The following ST3GAL3 variants were observed in gnomAD, a reference collection of about 807,000 sequenced individuals.
ST3GAL3 encodes the protein CMP-N-acetylneuraminate-beta-1,4-galactoside alpha-2,3-sialyltransferase.
A neutral mutation model predicts 50.1 loss-of-function variants in ST3GAL3; 21 were observed. That is an observed-to-expected ratio of 0.42 (90% CI 0.30 to 0.60). ST3GAL3 has a LOEUF of 0.60. Ranked by LOEUF, ST3GAL3 falls within the 20% of genes least tolerant of loss-of-function variation. The probability of loss-of-function intolerance (pLI) is 0.19; values close to 1 mark genes in which losing one functional copy is unlikely to be tolerated. For missense variants in ST3GAL3, 353 were observed against 489.4 expected (o/e 0.72, Z 2.63); for synonymous variants, 183 against 190.0 (o/e 0.96, Z 0.30).
At chr1:43,812,883 G>A (rs2060727972) in intron 3 of ST3GAL3, among the ~76,000 whole-genome samples, 1 of 152,136 alleles carries the variant, frequency 6.6e-6, no homozygotes, top group Admixed American at 6.5e-5. Context: ...GTGCGTGTGT[G>A]TGTGTGTGTG....
chr1:43,722,079 A>G (rs531397294), intron 1 of ST3GAL3, among the ~76,000 whole-genome samples: 2 of 152,236 alleles, frequency 1.3e-5, no homozygotes, highest in South Asian at 4.2e-4. Context: ...TAAGTGCACA[A>G]TGTAATGGGA....
At chr1:43,829,979 G>A (rs925704561) in intron 4 of ST3GAL3, among the ~76,000 whole-genome samples, 1 of 140,298 alleles carries the variant, frequency 7.1e-6, no homozygotes, top group Non-Finnish European at 1.5e-5. Context: ...GCAACCCACT[G>A]CAAGCATAAA....
At chr1:43,803,552 T>G (rs1254630467) in intron 3 of ST3GAL3, among the ~76,000 whole-genome samples, 1 of 152,236 alleles carries the variant, frequency 6.6e-6, no homozygotes, top group Non-Finnish European at 1.5e-5. Flanking sequence ...CTTTTAGTTC[T>G]GTTAATTTTG....
intron 1 of ST3GAL3, among the ~76,000 whole-genome samples, chr1:43,725,910 G>A (rs1211268503): frequency 6.6e-6 from 1 of 152,168 alleles, no homozygotes; most frequent in Non-Finnish European, 1.5e-5. Flanking sequence ...TTCCCAAAGT[G>A]CTGGGATTAC....
At chr1:43,908,951 C>G (rs1055151822) in intron 9 of ST3GAL3, among the ~76,000 whole-genome samples, 3 of 152,124 alleles carry the variant, frequency 2.0e-5, no homozygotes, top group South Asian at 4.1e-4. Context: ...CTTTAGCACC[C>G]GCCATGTACT....
chr1:43,733,601 T>G (rs1010499531), intron 1 of ST3GAL3, among the ~76,000 whole-genome samples: 1 of 152,222 alleles, frequency 6.6e-6, no homozygotes, highest in African/African-American at 2.4e-5. Context: ...TCTACCTTAG[T>G]AATTATAGCT....
intron 5 of ST3GAL3, among the ~76,000 whole-genome samples, chr1:43,869,453 C>T (rs968391740): frequency 6.6e-6 from 1 of 152,120 alleles, no homozygotes; most frequent in Non-Finnish European, 1.5e-5. Context: ...TACGACTTTT[C>T]CCCTTTTGCC....
intron 2 of ST3GAL3, among the ~76,000 whole-genome samples, chr1:43,745,032 C>T (rs1683020254): frequency 6.6e-6 from 1 of 151,812 alleles, no homozygotes; most frequent in African/African-American, 2.4e-5. Flanking sequence ...GAAAAATAGG[C>T]TCATGCCTGT....
intron 3 of ST3GAL3, among the ~76,000 whole-genome samples, chr1:43,795,240 A>C (rs2058553799): frequency 6.6e-6 from 1 of 152,230 alleles, no homozygotes; most frequent in African/African-American, 2.4e-5. Flanking sequence ...CATGGCAATA[A>C]GCCTCCCAGG....
intron 4 of ST3GAL3, among the ~76,000 whole-genome samples, chr1:43,821,232 T>A (rs1475949686): frequency 6.6e-6 from 1 of 152,128 alleles, no homozygotes; most frequent in Non-Finnish European, 1.5e-5. Flanking sequence ...CTGGATAGCA[T>A]GAGCAACAGA....
At chr1:43,712,967 A>T (rs1262177557) in intron 1 of ST3GAL3, among the ~76,000 whole-genome samples, 3 of 152,174 alleles carry the variant, frequency 2.0e-5, no homozygotes, top group African/African-American at 7.2e-5. Flanking sequence ...ATAGAAAGTG[A>T]CTACTTTGTC....
Position 43,875,944 on chromosome 1 carries a change from CTTCTTCTTATTATTATTATTA to C in ST3GAL3, c.303-18436_303-18416del, listed in dbSNP as rs1481326273. Among the ~76,000 whole-genome samples, 79 of 49,084 alleles carry C rather than the reference CTTCTTCTTATTATTATTATTA, an allele frequency of 1.6e-3. No individual in the cohort carries two copies. In the East Asian group the frequency reaches 0.018, roughly 11 times the overall value. 32.2% of individuals were successfully genotyped at this position (49,084 alleles called of 152,430 possible). ...TCTTCTTCTTCTTCTTCTTCTTCTT[CTTCTTCTTATTATTATTATTA>C]TTATTATTATTATTATTTTTGAGAC... is the stretch of plus-strand genomic sequence containing the variant. On this transcript the variant is annotated intron_variant, in intron 5 of 11. Coordinates refer to ENST00000347631, the MANE Select transcript of ST3GAL3 (RefSeq NM_006279.5).
chr1:43,742,463 A>G (rs1484885483), intron 2 of ST3GAL3, among the ~76,000 whole-genome samples: 1 of 152,214 alleles, frequency 6.6e-6, no homozygotes, highest in Admixed American at 6.5e-5. Context: ...TCAGGTAGTC[A>G]TTGAACCATC....
intron 9 of ST3GAL3, among the ~76,000 whole-genome samples, chr1:43,907,071 A>T (rs925395189): frequency 6.6e-6 from 1 of 152,164 alleles, no homozygotes; most frequent in South Asian, 2.1e-4. Context: ...ACTCTTCTCC[A>T]TGCCAGGCCC....
intron 5 of ST3GAL3, among the ~76,000 whole-genome samples, chr1:43,891,356 G>A (rs2076659919): frequency 6.6e-6 from 1 of 152,198 alleles, no homozygotes. Flanking sequence ...GATCACCTGA[G>A]GTCAGGAGTT....
intron 5 of ST3GAL3, among the ~76,000 whole-genome samples, chr1:43,871,397 C>T (rs902270362): frequency 6.6e-6 from 1 of 151,698 alleles, no homozygotes; most frequent in African/African-American, 2.4e-5. Context: ...GACTGTTGGA[C>T]CTGTGTTAAT....
At chr1:43,877,031 A>G (rs1173593483) in intron 5 of ST3GAL3, among the ~76,000 whole-genome samples, 3 of 152,148 alleles carry the variant, frequency 2.0e-5, no homozygotes, top group Non-Finnish European at 4.4e-5. Context: ...TTATTGTGGG[A>G]CAGTTCTCCC....
At chr1:43,727,376 G>C (rs577076961) in intron 1 of ST3GAL3, 41 of 152,180 alleles carry the variant, frequency 2.7e-4, no homozygotes, top group African/African-American at 8.9e-4. Context: ...TTCAGCCCTG[G>C]AAGGAGAAAA....
chr1:43,725,350 T>C (rs1260230041), intron 1 of ST3GAL3, among the ~76,000 whole-genome samples: 1 of 152,094 alleles, frequency 6.6e-6, no homozygotes, highest in Non-Finnish European at 1.5e-5. Flanking sequence ...ATTATAGGCA[T>C]GCACCATCAC....
Sources: gnomAD v4.1 joint callset for allele counts (sites outside exome capture counted in the v4.1 genomes callset) on GRCh38, gnomAD v4.1.1 for gene constraint, MANE v1.5 for transcripts, NCBI Gene and HGNC (gene_info 2026-07-23, HGNC 2026-07-21) for gene names.